The following DIAPH2 variants were observed in gnomAD, a reference collection of about 807,000 sequenced individuals.
DIAPH2 encodes the protein diaphanous related formin 2.
In DIAPH2, 35 loss-of-function variants were observed where a neutral mutation model predicts 92.7. That is an observed-to-expected ratio of 0.38 (90% CI 0.29 to 0.50). The LOEUF (loss-of-function observed/expected upper bound fraction) is 0.50. DIAPH2 is among the 20% of genes least tolerant of loss of function. The pLI, the probability that DIAPH2 is intolerant of heterozygous loss-of-function variation, is 0.94. For missense variants in DIAPH2, 701 were observed against 819.5 expected (o/e 0.86, Z 1.77); for synonymous variants, 301 against 280.4 (o/e 1.07, Z -0.73).
intron 4 of DIAPH2, among the ~76,000 whole-genome samples, chrX:96,873,774 A>T (rs1337669996): frequency 9.0e-6 from 1 of 110,682 alleles, no homozygotes; most frequent in East Asian, 2.8e-4. Context: ...AATAAGATAG[A>T]TGGGTTTTAT....
At chrX:96,793,485 A>G (rs2064515920) in intron 4 of DIAPH2, 1 of 285,748 alleles carries the variant, frequency 3.5e-6, no homozygotes, top group Admixed American at 4.1e-5. Flanking sequence ...CACTTTTTAA[A>G]CAACAGAAAT....
chrX:96,769,052 C>A (rs2064321759), intron 4 of DIAPH2, among the ~76,000 whole-genome samples: 1 of 110,862 alleles, frequency 9.0e-6, no homozygotes, highest in South Asian at 3.9e-4. Flanking sequence ...GGGGTTGTTG[C>A]TGTAGTTTAA....
chrX:97,277,907 G>A (rs890343104), intron 23 of DIAPH2, among the ~76,000 whole-genome samples: 4 of 112,168 alleles, frequency 3.6e-5, no homozygotes, highest in African/African-American at 1.3e-4. Flanking sequence ...GTGCAGGGGC[G>A]CGATCTCGGC....
chrX:96,699,730 C>G (rs1023680558), intron 1 of DIAPH2, among the ~76,000 whole-genome samples: 12 of 111,730 alleles, frequency 1.1e-4, no homozygotes, highest in Non-Finnish European at 3.8e-5. Context: ...GTCAGCTAAT[C>G]CCTGTCTTCA....
At chrX:97,302,080 G>A (rs775101697) in intron 23 of DIAPH2, among the ~76,000 whole-genome samples, 1 of 107,631 alleles carries the variant, frequency 9.3e-6, no homozygotes, top group Admixed American at 1.0e-4. Flanking sequence ...AGGCATGGTG[G>A]TGCGTGCCTG....
chrX:97,183,911 A>C (rs1175410309), intron 22 of DIAPH2, among the ~76,000 whole-genome samples: 1 of 112,426 alleles, frequency 8.9e-6, no homozygotes, highest in Non-Finnish European at 1.9e-5. Flanking sequence ...TTCAAATACT[A>C]ATGAGCAGCA....
rs142790022 is a variant in DIAPH2 at position 97,508,015 on chromosome X, C to T, written c.3241+78270C>T. Among the ~76,000 whole-genome samples the T allele has an allele frequency of 2.5e-4, 28 of 111,497 alleles. No individual in the cohort carries two copies. In the East Asian group the frequency reaches 7.1e-3, roughly 28 times the overall value. On this transcript the variant is annotated intron_variant, in intron 26 of 26. Coordinates refer to ENST00000324765, the MANE Select transcript of DIAPH2 (RefSeq NM_006729.5). ...CCCATGAGTGTCAAAGTTCTCCACTCAGTGCCATGTCTCCATCCCATTACC... is the reference window on the plus strand; with the variant it reads ...CCCATGAGTGTCAAAGTTCTCCACTTAGTGCCATGTCTCCATCCCATTACC...
chrX:97,203,653 C>T (rs990478495), intron 22 of DIAPH2, among the ~76,000 whole-genome samples: 14 of 111,546 alleles, frequency 1.3e-4, no homozygotes, highest in African/African-American at 4.6e-4. Context: ...AGACCAATAC[C>T]AAGTTCTGAA....
chrX:97,584,142 C>T (rs2071463831), intron 26 of DIAPH2, among the ~76,000 whole-genome samples: 1 of 112,288 alleles, frequency 8.9e-6, no homozygotes, highest in Non-Finnish European at 1.9e-5. Flanking sequence ...TTCTGCGTCG[C>T]TCAGGCTGGG....
At chrX:97,137,156 C>G (rs1202071970) in intron 21 of DIAPH2, among the ~76,000 whole-genome samples, 3 of 106,104 alleles carry the variant, frequency 2.8e-5, no homozygotes, top group Non-Finnish European at 5.8e-5. Context: ...CAAATTATAA[C>G]TTTATTCTGG....
intron 22 of DIAPH2, among the ~76,000 whole-genome samples, chrX:97,213,668 A>G (rs1451649208): frequency 1.8e-5 from 2 of 112,419 alleles, no homozygotes; most frequent in African/African-American, 6.5e-5. Flanking sequence ...TAAGCAATAT[A>G]CAAATGTACT....
intron 23 of DIAPH2, among the ~76,000 whole-genome samples, chrX:97,268,310 G>A (rs2068354931): frequency 8.9e-6 from 1 of 112,445 alleles, no homozygotes; most frequent in Non-Finnish European, 1.9e-5. Flanking sequence ...TTTCATTTAT[G>A]TATTATTTAT....
At chrX:96,753,803 T>C (rs954850580) in intron 3 of DIAPH2, among the ~76,000 whole-genome samples, 4 of 112,170 alleles carry the variant, frequency 3.6e-5, no homozygotes, top group Non-Finnish European at 7.5e-5. Flanking sequence ...AAGGAGCTCT[T>C]ATCCCAGAAC....
intron 26 of DIAPH2, among the ~76,000 whole-genome samples, chrX:97,553,939 A>G (rs2071239139): frequency 8.9e-6 from 1 of 111,905 alleles, no homozygotes; most frequent in Non-Finnish European, 1.9e-5. Context: ...AGTTATATAC[A>G]TAGATAGACA....
intron 23 of DIAPH2, among the ~76,000 whole-genome samples, chrX:97,249,586 A>T (rs2068170830): frequency 8.9e-6 from 1 of 112,316 alleles, no homozygotes; most frequent in Admixed American, 9.5e-5. Flanking sequence ...GAATTAATGG[A>T]TTATAAAGAT....
intron 17 of DIAPH2, among the ~76,000 whole-genome samples, chrX:96,985,435 T>G (rs946708492): frequency 9.0e-6 from 1 of 110,992 alleles, no homozygotes. Context: ...CAGAAGTTGC[T>G]GCTGCTGTTT....
chrX:97,061,823 A>T lies in DIAPH2; in HGVS notation c.2051-11118A>T, dbSNP rs1345947696. 9.5e-3 allele frequency among the ~76,000 whole-genome samples: 1,022 copies of T among 108,078 alleles called. 22 individuals carry two copies. The highest frequency in any genetic ancestry group is 0.033 in the African/African-American group (964 of 29,596). The allele number at this position is 108,078 out of a possible 115,157, so 93.9% of individuals were successfully genotyped here. On this transcript the variant is annotated intron_variant, in intron 17 of 26. Transcript: ENST00000324765. ...ATTGAGACTCCGTCTCAAAAAAAAAAAAAAAAAAAAAACGCTCATTTTTAA... is the reference window on the plus strand; with the variant it reads ...ATTGAGACTCCGTCTCAAAAAAAAATAAAAAAAAAAAACGCTCATTTTTAA...
intron 23 of DIAPH2, among the ~76,000 whole-genome samples, chrX:97,313,199 T>G (rs1307622383): frequency 9.1e-6 from 1 of 109,514 alleles, no homozygotes; most frequent in Non-Finnish European, 1.9e-5. Context: ...TAAAATAAAA[T>G]AATAAATTCA....
At chrX:96,902,838 G>T (rs936571819) in intron 5 of DIAPH2, among the ~76,000 whole-genome samples, 2 of 111,581 alleles carry the variant, frequency 1.8e-5, no homozygotes, top group Non-Finnish European at 3.8e-5. Context: ...ACCTGTTACA[G>T]ATAACATTCT....
Sources: allele counts gnomAD v4.1 joint callset (sites outside exome capture counted in the v4.1 genomes callset), GRCh38; gene constraint gnomAD v4.1.1; transcripts MANE v1.5; gene names NCBI Gene and HGNC (gene_info 2026-07-23, HGNC 2026-07-21).